The following LINGO2 variants were observed in gnomAD, a reference collection of about 807,000 sequenced individuals.
LINGO2 encodes leucine-rich repeat and immunoglobulin-like domain-containing nogo receptor-interacting protein 2.
A neutral mutation model predicts 30.6 loss-of-function variants in LINGO2; 14 were observed. The ratio of observed to expected loss-of-function variants is 0.46; its 90% CI spans 0.30 to 0.72. The LOEUF is 0.72. Ranked by LOEUF, LINGO2 falls within the 30% of genes least tolerant of loss-of-function variation. The pLI is 0.07. For synonymous variants in LINGO2, 317 were observed against 288.5 expected (o/e 1.10, Z -1.00); for missense variants, 729 against 751.7 (o/e 0.97, Z 0.35).
chr9:28,592,464 T>C (rs921310894), intron 1 of LINGO2, among the ~76,000 whole-genome samples: 4 of 152,110 alleles, frequency 2.6e-5, no homozygotes, highest in African/African-American at 9.7e-5. Context: ...GCTCTCTGTC[T>C]TCTGTACTGA....
the LINGO2 span, among the ~76,000 whole-genome samples, chr9:28,927,446 T>C: frequency 6.6e-6 from 1 of 152,152 alleles, no homozygotes; most frequent in Admixed American, 6.5e-5. Context: ...ACTCCTTAGA[T>C]GAAGAGCTAA....
chr9:28,950,845 A>ATG, the LINGO2 span, among the ~76,000 whole-genome samples: 1 of 152,240 alleles, frequency 6.6e-6, no homozygotes, highest in East Asian at 1.9e-4. Context: ...ATAGATTCAC[A>ATG]CTATCCCCAT....
chr9:28,869,728 A>C, the LINGO2 span, among the ~76,000 whole-genome samples: 9 of 152,116 alleles, frequency 5.9e-5, no homozygotes, highest in Middle Eastern at 3.4e-3. Flanking sequence ...TCAATAGGTG[A>C]TCAATAGGTC....
the LINGO2 span, among the ~76,000 whole-genome samples, chr9:28,764,433 A>G: frequency 6.6e-6 from 1 of 151,948 alleles, no homozygotes; most frequent in African/African-American, 2.4e-5. Flanking sequence ...TGCAGAAAAA[A>G]ACATTTGACA....
chr9:28,216,588 T>C (rs1340296824), intron 4 of LINGO2, among the ~76,000 whole-genome samples: 1 of 151,894 alleles, frequency 6.6e-6, no homozygotes, highest in African/African-American at 2.4e-5. Flanking sequence ...AAATTGCAAA[T>C]GAAGCAAAAC....
intron 4 of LINGO2, among the ~76,000 whole-genome samples, chr9:28,017,095 G>C (rs1822877720): frequency 6.6e-6 from 1 of 152,080 alleles, no homozygotes; most frequent in African/African-American, 2.4e-5. Context: ...AAAACCACCT[G>C]ATCATTTCAA....
exon 6 of LINGO2, chr9:27,950,572 A>C (rs1587513724): frequency 6.5e-7 from 1 of 1,537,282 alleles, no homozygotes; most frequent in Non-Finnish European, 8.8e-7. Context: ...TGGGCAGAGC[A>C]CTCACAGCGA....
At chr9:28,736,609 G>A in the LINGO2 span, among the ~76,000 whole-genome samples, 1 of 151,948 alleles carries the variant, frequency 6.6e-6, no homozygotes, top group Non-Finnish European at 1.5e-5. Context: ...TGGTCAATAT[G>A]GCGAAACCCC....
intron 3 of LINGO2, among the ~76,000 whole-genome samples, chr9:28,305,791 G>C (rs1204443630): frequency 6.6e-6 from 1 of 151,866 alleles, no homozygotes; most frequent in Admixed American, 6.6e-5. Flanking sequence ...CAACAATAAT[G>C]GGTTTTCTAA....
chr9:28,438,417 TC>T (rs1378852656), intron 2 of LINGO2, among the ~76,000 whole-genome samples: 1 of 152,156 alleles, frequency 6.6e-6, no homozygotes, highest in Non-Finnish European at 1.5e-5. Flanking sequence ...TCTTCTTCAG[TC>T]CTCAAACATC....
At chr9:28,719,563 A>G in the LINGO2 span, among the ~76,000 whole-genome samples, 1 of 151,914 alleles carries the variant, frequency 6.6e-6, no homozygotes, top group African/African-American at 2.4e-5. Context: ...AGACACTCCT[A>G]ACCTACTTCT....
At chr9:28,911,374 AT>A in the LINGO2 span, among the ~76,000 whole-genome samples, 1 of 152,016 alleles carries the variant, frequency 6.6e-6, no homozygotes, top group Non-Finnish European at 1.5e-5. Context: ...CACGTTTGAC[AT>A]TCCTTGATAT....
intron 5 of LINGO2, among the ~76,000 whole-genome samples, chr9:27,963,581 T>C (rs1463304097): frequency 6.6e-6 from 1 of 152,070 alleles, no homozygotes; most frequent in African/African-American, 2.4e-5. Context: ...TTTAGTTCTC[T>C]GACTGGCAAA....
At chr9:28,631,056 C>G (rs1319000305) in intron 1 of LINGO2, among the ~76,000 whole-genome samples, 1 of 151,724 alleles carries the variant, frequency 6.6e-6, no homozygotes, top group African/African-American at 2.4e-5. Flanking sequence ...GTATGTAAAT[C>G]TATAATTATT....
At chr9:28,729,299 G>T in the LINGO2 span, among the ~76,000 whole-genome samples, 3 of 152,018 alleles carry the variant, frequency 2.0e-5, no homozygotes, top group Non-Finnish European at 4.4e-5. Context: ...AAGTTAACAA[G>T]GTTTATACAT....
At chr9:29,165,852 T>C in the LINGO2 span, among the ~76,000 whole-genome samples, 1 of 152,108 alleles carries the variant, frequency 6.6e-6, no homozygotes, top group East Asian at 1.9e-4. Flanking sequence ...TGTTGGATCT[T>C]TGAAGTCTGA....
chr9:28,474,727 G>C (rs139700542), intron 2 of LINGO2, among the ~76,000 whole-genome samples: 1 of 152,162 alleles, frequency 6.6e-6, no homozygotes, highest in Non-Finnish European at 1.5e-5. Context: ...AATCTAGATT[G>C]AGTGTTTCAC....
chr9:29,037,546 T>C, the LINGO2 span, among the ~76,000 whole-genome samples: 2 of 152,010 alleles, frequency 1.3e-5, no homozygotes, highest in East Asian at 1.9e-4. Flanking sequence ...ATATACTGCG[T>C]AATATCATGC....
At chr9:27,986,143 T>TA (rs1463813483) in intron 5 of LINGO2, among the ~76,000 whole-genome samples, 1 of 151,122 alleles carries the variant, frequency 6.6e-6, no homozygotes, top group African/African-American at 2.4e-5. Context: ...GGAGCTGGCT[T>TA]CTGGAGGGGG....
Sources: allele counts gnomAD v4.1 joint callset (sites outside exome capture counted in the v4.1 genomes callset), GRCh38; gene constraint gnomAD v4.1.1; transcripts MANE v1.5; gene names NCBI Gene and HGNC (gene_info 2026-07-23, HGNC 2026-07-21).